TMEM131: variants seen among roughly 807,000 people sequenced by gnomAD.
The protein encoded by TMEM131 is transmembrane protein 131, also known as 2610524E03Rik.
TMEM131 carries 66 observed loss-of-function variants against 211.6 expected under a neutral mutation model. That is an observed-to-expected ratio of 0.31 (90% CI 0.26 to 0.38). The LOEUF (loss-of-function observed/expected upper bound fraction) is 0.38. Among genes scored for constraint, TMEM131 ranks in the 10% least tolerant of loss-of-function variants. The pLI is 1.00. For synonymous variants in TMEM131, 844 were observed against 841.3 expected (o/e 1.00, Z -0.06); for missense variants, 2,036 against 2,299.3 (o/e 0.89, Z 2.34).
chr2:97,957,396 A>C (rs924506267), intron 1 of TMEM131, among the ~76,000 whole-genome samples: 3 of 152,188 alleles, frequency 2.0e-5, no homozygotes, highest in Admixed American at 1.3e-4. Flanking sequence ...CATACATATG[A>C]AACAACATTA....
chr2:97,878,700 G>C (rs577764022), intron 4 of TMEM131, among the ~76,000 whole-genome samples: 1 of 152,302 alleles, frequency 6.6e-6, no homozygotes, highest in South Asian at 2.1e-4. Context: ...CCTGTCAGGG[G>C]CTGGGGGGCT....
chr2:97,946,007 T>C (rs771480848), intron 1 of TMEM131, among the ~76,000 whole-genome samples: 12 of 152,244 alleles, frequency 7.9e-5, no homozygotes, highest in East Asian at 1.9e-4. Context: ...AGTGGTATTA[T>C]AGCCATCTTA....
rs763294988 is a variant in TMEM131 at position 97,759,066 on chromosome 2, C to T, written c.5207-13G>A. On this transcript the variant is annotated splice_polypyrimidine_tract_variant and intron_variant, in intron 39 of 40. Transcript: ENST00000186436. Reference sequence around the variant, plus strand: ...TTGCTGAAAACTTCTGGAAATAAAGCAACAGTCATCAAGTCCATATTTGGT... The same window carrying T: ...TTGCTGAAAACTTCTGGAAATAAAGTAACAGTCATCAAGTCCATATTTGGT... The T allele has an allele frequency of 6.2e-7, 1 of 1,613,998 alleles. No homozygotes were observed. Among genetic ancestry groups the T allele is most frequent in the South Asian group, 1.1e-5 (1 of 91,076 alleles).
At chr2:97,843,634 C>T (rs1463065789) in intron 6 of TMEM131, among the ~76,000 whole-genome samples, 1 of 152,164 alleles carries the variant, frequency 6.6e-6, no homozygotes, top group African/African-American at 2.4e-5. Flanking sequence ...GCTACCATAC[C>T]CAGCCTTAGT....
At chr2:97,760,457 C>T (rs1678769117) in intron 38 of TMEM131, 136 bp downstream of exon 38, 1 of 811,406 alleles carries the variant, frequency 1.2e-6, no homozygotes, top group Non-Finnish European at 2.0e-6. Context: ...TTCTTAGAGG[C>T]ACTTGACCAC....
intron 4 of TMEM131, among the ~76,000 whole-genome samples, chr2:97,865,001 C>T (rs1674215881): frequency 6.6e-6 from 1 of 152,180 alleles, no homozygotes; most frequent in Non-Finnish European, 1.5e-5. Flanking sequence ...AGGAAGACAC[C>T]TTTGTCCCAC....
At chr2:97,931,429 T>C (rs1254775462) in intron 1 of TMEM131, among the ~76,000 whole-genome samples, 1 of 152,236 alleles carries the variant, frequency 6.6e-6, no homozygotes, top group Non-Finnish European at 1.5e-5. Context: ...ATTAAAAATA[T>C]CTTTCACTTT....
chr2:97,863,981 TTATTACCA>T (rs1674168766), intron 4 of TMEM131, among the ~76,000 whole-genome samples: 2 of 152,182 alleles, frequency 1.3e-5, no homozygotes, highest in African/African-American at 4.8e-5. Context: ...ACCTAAGTGT[TTATTACCA>T]GATGAATGGA....
At chr2:97,983,085 G>A (rs571497747) in intron 1 of TMEM131, among the ~76,000 whole-genome samples, 1 of 152,270 alleles carries the variant, frequency 6.6e-6, no homozygotes, top group South Asian at 2.1e-4. Context: ...TAGAAGCTCA[G>A]GGGTTGCCTT....
At chr2:97,775,283 G>A (rs540355441) in intron 32 of TMEM131, among the ~76,000 whole-genome samples, 13 of 152,236 alleles carry the variant, frequency 8.5e-5, no homozygotes, top group South Asian at 2.1e-4. Context: ...GCTTCTTGGC[G>A]TGCTGATGTG....
chr2:97,953,956 G>A (rs184524069), intron 1 of TMEM131, among the ~76,000 whole-genome samples: 2 of 151,916 alleles, frequency 1.3e-5, no homozygotes, highest in East Asian at 3.9e-4. Context: ...AAAAGCAATA[G>A]AACAGCAAAA....
At chr2:97,959,418 T>A (rs1678716395) in intron 1 of TMEM131, among the ~76,000 whole-genome samples, 1 of 152,142 alleles carries the variant, frequency 6.6e-6, no homozygotes, top group South Asian at 2.1e-4. Flanking sequence ...AACAGGGAAG[T>A]ATTTTCTTGG....
chr2:97,848,288 C>T (rs544549343), intron 5 of TMEM131, among the ~76,000 whole-genome samples: 91 of 152,254 alleles, frequency 6.0e-4, no homozygotes, highest in Admixed American at 6.5e-4. Flanking sequence ...ATATCTTATA[C>T]CATAAACAAA....
intron 1 of TMEM131, among the ~76,000 whole-genome samples, chr2:97,928,002 TG>T (rs1181713667): frequency 1.3e-5 from 2 of 152,134 alleles, no homozygotes; most frequent in Non-Finnish European, 2.9e-5. Context: ...GAAACAGCAA[TG>T]CAAAGGTAAT....
chr2:97,757,192 T>A lies in TMEM131; in HGVS notation c.5559A>T (p.Gly1853=), dbSNP rs766870460. ...ATATCCGCCACGGGTTGTAGGTCTG[T>A]CCCAAGTCGTCAGCTGGACTGGAGG... ...PSTSSPADDL[G]QTYNPWRIWS... The change falls in exon 41 of 41, where the codon GGA becomes GGT. Residue 1853 remains glycine, a synonymous_variant. Coordinates refer to ENST00000186436, the MANE Select transcript of TMEM131 (RefSeq NM_015348.2). 6 of 1,613,868 alleles carry A rather than the reference T, an allele frequency of 3.7e-6. No homozygotes were observed. The African/African-American group carries it at 8.0e-5, about 22-fold the overall frequency.
At chr2:97,865,731 G>C (rs571904502) in intron 4 of TMEM131, among the ~76,000 whole-genome samples, 29 of 152,262 alleles carry the variant, frequency 1.9e-4, no homozygotes, top group African/African-American at 7.0e-4. Context: ...TTTGGTATTA[G>C]GGTAATACAG....
In TMEM131 at chr2:97,849,931, T is replaced by A. The variant is rs966431163; in HGVS notation, c.484-5670A>T. On this transcript the variant is annotated intron_variant, in intron 5 of 40. Transcript: ENST00000186436. ...AAAACAACAAAATCTTGAAATGAAGTAGATAATATCACTGAGTTCAGGCAG... is the reference window on the plus strand; with the variant it reads ...AAAACAACAAAATCTTGAAATGAAGAAGATAATATCACTGAGTTCAGGCAG... Among the ~76,000 whole-genome samples the A allele has an allele frequency of 5.3e-5, 8 of 151,964 alleles. No homozygotes were observed. In the East Asian group the frequency reaches 1.5e-3, roughly 29 times the overall value.
chr2:97,788,618 C>A (rs113175732), intron 31 of TMEM131, among the ~76,000 whole-genome samples: 1 of 152,214 alleles, frequency 6.6e-6, no homozygotes, highest in African/African-American at 2.4e-5. Flanking sequence ...CAATTATCTC[C>A]TCATTTTCTT....
intron 1 of TMEM131, among the ~76,000 whole-genome samples, chr2:97,948,640 T>C (rs983395798): frequency 1.3e-5 from 2 of 150,174 alleles, no homozygotes; most frequent in African/African-American, 2.4e-5. Flanking sequence ...TTGGATAACA[T>C]GTCAGTAGTT....
Sources: allele counts gnomAD v4.1 joint callset (sites outside exome capture counted in the v4.1 genomes callset), GRCh38; gene constraint gnomAD v4.1.1; transcripts MANE v1.5; gene names NCBI Gene and HGNC (gene_info 2026-07-23, HGNC 2026-07-21).